Variants in THRAP3 observed in about 807,000 individuals in gnomAD.
THRAP3 encodes the protein thyroid hormone receptor associated protein 3.
THRAP3 carries 16 observed loss-of-function variants against 101.0 expected under a neutral mutation model. That is an observed-to-expected ratio of 0.16 (90% CI 0.11 to 0.24). The LOEUF is 0.24. THRAP3 is among the 10% of genes least tolerant of loss of function. The pLI, the probability that THRAP3 is intolerant of heterozygous loss-of-function variation, is 1.00. For missense variants in THRAP3, 989 were observed against 1,202.7 expected (o/e 0.82, Z 2.63); for synonymous variants, 407 against 422.6 (o/e 0.96, Z 0.45).
intron 1 of THRAP3, among the ~76,000 whole-genome samples, chr1:36,238,296 A>T (rs1198348583): frequency 6.6e-6 from 1 of 152,176 alleles, no homozygotes; most frequent in Non-Finnish European, 1.5e-5. Flanking sequence ...TAAGTACCAC[A>T]TTTGATGTTA....
At chr1:36,298,036 A>G (rs1645975735) in intron 9 of THRAP3, among the ~76,000 whole-genome samples, 1 of 149,518 alleles carries the variant, frequency 6.7e-6, no homozygotes, top group African/African-American at 2.5e-5. Context: ...AATCCCAGCT[A>G]CTCGGGAGGC....
rs1646025329 is a variant in THRAP3, at chr1:36,301,092, C to T, written c.2502+8C>T. On this transcript the variant is annotated splice_region_variant and intron_variant, in intron 10 of 11. Coordinates refer to ENST00000354618, the MANE Select transcript of THRAP3 (RefSeq NM_005119.4). ...AGAGCTCGAGGAACCTTTGTAAGAC[C>T]TTCCCCTCTCCCCCTTTCTCTGAGA... 2 of 1,612,956 alleles carry T rather than the reference C, an allele frequency of 1.2e-6. No homozygotes were observed. Among genetic ancestry groups the T allele is most frequent in the Non-Finnish European group, 1.7e-6 (2 of 1,179,304 alleles).
chr1:36,240,718 C>G lies in THRAP3; in HGVS notation c.-135+16213C>G, dbSNP rs548208242. ...GTATAAATATAGGTATCAAAATAAT[C>G]CTGGACATATTTTGGATTTTTTTTT... On this transcript the variant is annotated intron_variant, in intron 1 of 11. Transcript: ENST00000354618. 1.6e-4 allele frequency among the ~76,000 whole-genome samples: 24 copies of G among 152,150 alleles called. No homozygotes were observed. In the East Asian group the frequency reaches 4.6e-3, roughly 29 times the overall value.
At chr1:36,293,287 C>A (rs1645901916) in intron 7 of THRAP3, among the ~76,000 whole-genome samples, 1 of 152,114 alleles carries the variant, frequency 6.6e-6, no homozygotes, top group African/African-American at 2.4e-5. Flanking sequence ...CCTCAGCCTC[C>A]CAAAGTGCTG....
intron 1 of THRAP3, among the ~76,000 whole-genome samples, chr1:36,244,429 A>C (rs1645206751): frequency 6.6e-6 from 1 of 152,226 alleles, no homozygotes; most frequent in African/African-American, 2.4e-5. Flanking sequence ...CTCCAGCATG[A>C]GCAAACTGAA....
intron 4 of THRAP3, 177 bp downstream of exon 4, chr1:36,287,447 C>G (rs762360146): frequency 1.0e-6 from 1 of 985,010 alleles, no homozygotes; most frequent in Non-Finnish European, 1.2e-6. Context: ...TTAACTCTAG[C>G]TTTCCTACCT....
At chr1:36,234,324 T>C (rs1226498203) in intron 1 of THRAP3, among the ~76,000 whole-genome samples, 3 of 152,222 alleles carry the variant, frequency 2.0e-5, no homozygotes, top group Admixed American at 6.5e-5. Flanking sequence ...AGCACACATT[T>C]TGTGAAAGCC....
Position 36,301,190 on chromosome 1 carries a change from A to G in THRAP3, c.2502+106A>G. On this transcript the variant is annotated intron_variant, in intron 10 of 11. Transcript: ENST00000354618. ...TGTTGCCTTTGACATAAGTAATCCA[A>G]TCCAAAGACCCTGGAATCTTTGGTT... 13 of 1,142,072 alleles carry G rather than the reference A, an allele frequency of 1.1e-5. 1 individual carries two copies. In the South Asian group the frequency reaches 2.1e-4, roughly 18 times the overall value. 70.7% of individuals were successfully genotyped at this position (1,142,072 alleles called of 1,614,324 possible). A position where few individuals can be genotyped will look rare whatever the true frequency, so the allele number is the denominator to read the frequency against.
At position 36,249,154 on chromosome 1, in the gene THRAP3, G is replaced by A. The variant is rs529575221; in HGVS notation, c.-134-10228G>A. On this transcript the variant is annotated intron_variant, in intron 1 of 11. Transcript: ENST00000354618. ...CCACCTGGGCCTCCCAAAGTGCTGG[G>A]ATACAGGTGCAAGCCACCGCACCCA... Among the ~76,000 whole-genome samples, 101 of 150,878 alleles carry A rather than the reference G, an allele frequency of 6.7e-4. 2 individuals carry two copies. In the Middle Eastern group the frequency reaches 0.039, roughly 58 times the overall value.
intron 1 of THRAP3, among the ~76,000 whole-genome samples, chr1:36,250,104 A>G (rs764799390): frequency 8.5e-5 from 13 of 152,268 alleles, no homozygotes; most frequent in South Asian, 4.1e-4. Context: ...AAATTCGGCA[A>G]TTACATAAGG....
chr1:36,227,318 T>C (rs2124325384), intron 1 of THRAP3, among the ~76,000 whole-genome samples: 1 of 152,066 alleles, frequency 6.6e-6, no homozygotes, highest in South Asian at 2.1e-4. Flanking sequence ...TGTTTCGCTC[T>C]TGTTGCCCAG....
chr1:36,264,797 A>G (rs1040886026), intron 2 of THRAP3, among the ~76,000 whole-genome samples: 7 of 152,176 alleles, frequency 4.6e-5, no homozygotes, highest in Non-Finnish European at 7.3e-5. Context: ...TTGTGAAGAT[A>G]TACAGAGTTT....
chr1:36,233,513 C>CA (rs750938761), intron 1 of THRAP3, among the ~76,000 whole-genome samples: 276 of 121,474 alleles, frequency 2.3e-3, no homozygotes, highest in African/African-American at 2.9e-3. Flanking sequence ...GACTCCATCT[C>CA]AAAAAAAAAA....
In THRAP3 at chr1:36,289,120, C is replaced by T. The variant is rs906395163; in HGVS notation, c.1101C>T (p.Thr367=). 6 of 1,610,114 alleles carry T rather than the reference C, an allele frequency of 3.7e-6. No homozygotes were observed. The highest frequency in any genetic ancestry group is 2.7e-5 in the African/African-American group (2 of 74,348). The change falls in exon 5 of 12, where the codon ACC becomes ACT. Residue 367 remains threonine (T), a synonymous_variant. Coordinates refer to ENST00000354618, the MANE Select transcript of THRAP3 (RefSeq NM_005119.4). The part of the protein sequence containing the change: ...GKDKEQKQTN[T]DKEKIKEKGS... ...ATAAGGAACAGAAACAAACAAATACCGATAAAGAAAAAATAAAAGAGAAAG... is the reference window on the plus strand; with the variant it reads ...ATAAGGAACAGAAACAAACAAATACTGATAAAGAAAAAATAAAAGAGAAAG...
At chr1:36,239,862 G>C (rs1253411142) in intron 1 of THRAP3, among the ~76,000 whole-genome samples, 1 of 152,122 alleles carries the variant, frequency 6.6e-6, no homozygotes, top group East Asian at 1.9e-4. Flanking sequence ...GGTAAAATAT[G>C]TATAACATAA....
chr1:36,223,369 G>C (rs1298073769), upstream of THRAP3, among the ~76,000 whole-genome samples: 2 of 152,134 alleles, frequency 1.3e-5, no homozygotes, highest in Non-Finnish European at 1.5e-5. Context: ...TGTGTACTGT[G>C]TCTACTTTTC....
intron 1 of THRAP3, among the ~76,000 whole-genome samples, chr1:36,228,359 A>G (rs1644986659): frequency 6.6e-6 from 1 of 152,164 alleles, no homozygotes; most frequent in Non-Finnish European, 1.5e-5. Flanking sequence ...CTGGAATTAT[A>G]GGCATCCGCC....
At position 36,289,569 on chromosome 1, in the gene THRAP3, C is replaced by G; in HGVS notation, c.1550C>G (p.Pro517Arg). ...RSEGGHRGFV[P>R]EKNFRVTAYK... ...GAAGGTGGGCACAGGGGCTTTGTGCCTGAGAAGAATTTCCGAGTGACTGCT... is the reference window on the plus strand; with the variant it reads ...GAAGGTGGGCACAGGGGCTTTGTGCGTGAGAAGAATTTCCGAGTGACTGCT... Residue 517 changes from proline to arginine, a missense_variant, in exon 5 of 12, where the codon CCT becomes CGT. By Grantham distance (103) the Pro-to-Arg change is moderately radical (BLOSUM62 -2). Transcript: ENST00000354618. 6.2e-7 allele frequency: 1 copy of G among 1,613,926 alleles called. No homozygotes were observed. The highest frequency in any genetic ancestry group is 8.5e-7 in the Non-Finnish European group (1 of 1,179,952).
chr1:36,258,972 G>C (rs1157097238), intron 1 of THRAP3, among the ~76,000 whole-genome samples: 3 of 152,192 alleles, frequency 2.0e-5, no homozygotes, highest in Admixed American at 6.6e-5. Context: ...TTATGGGTAG[G>C]TACGGAGAGT....
Sources: gnomAD v4.1 joint callset for allele counts (sites outside exome capture counted in the v4.1 genomes callset) on GRCh38, gnomAD v4.1.1 for gene constraint, MANE v1.5 for transcripts, NCBI Gene and HGNC (gene_info 2026-07-23, HGNC 2026-07-21) for gene names.